Variants in LINGO2 observed in about 807,000 individuals in gnomAD.
LINGO2 encodes leucine rich repeat and Ig domain containing 2.
In LINGO2, 14 loss-of-function variants were observed where a neutral mutation model predicts 30.6. The observed-to-expected ratio is 0.46, with a 90% CI of 0.30 to 0.72. The LOEUF (loss-of-function observed/expected upper bound fraction) is 0.72, where lower values mean the gene tolerates loss of function less well. Among genes scored for constraint, LINGO2 ranks in the 30% least tolerant of loss-of-function variants. LINGO2 has a pLI of 0.07. For synonymous variants in LINGO2, 317 were observed against 288.5 expected, an observed-to-expected ratio of 1.10 and a Z score of -1.00; for missense variants, 729 against 751.7, an observed-to-expected ratio of 0.97 and a Z score of 0.35.
At chr9:28,202,090 G>C (rs1475297547) in intron 4 of LINGO2, among the ~76,000 whole-genome samples, 1 of 151,980 alleles carries the variant, frequency 6.6e-6, no homozygotes, top group Non-Finnish European at 1.5e-5. Flanking sequence ...TTTTTTCTGT[G>C]CATTTACCTG....
chr9:28,366,255 T>G (rs1820670855), intron 3 of LINGO2, among the ~76,000 whole-genome samples: 1 of 152,180 alleles, frequency 6.6e-6, no homozygotes, highest in Non-Finnish European at 1.5e-5. Context: ...GGAACATTAC[T>G]TAGTTTACTT....
At chr9:28,485,988 T>C (rs1433120579) in intron 1 of LINGO2, among the ~76,000 whole-genome samples, 1 of 152,170 alleles carries the variant, frequency 6.6e-6, no homozygotes, top group African/African-American at 2.4e-5. Context: ...CTGATTGGTA[T>C]GGCAGAGGTT....
chr9:28,055,559 C>T (rs930484296), intron 4 of LINGO2, among the ~76,000 whole-genome samples: 4 of 152,128 alleles, frequency 2.6e-5, no homozygotes, highest in Non-Finnish European at 5.9e-5. Context: ...AATTGGAATT[C>T]TTCGTTCGAA....
intron 4 of LINGO2, among the ~76,000 whole-genome samples, chr9:28,036,458 T>C (rs1218330570): frequency 6.6e-6 from 1 of 151,548 alleles, no homozygotes; most frequent in Non-Finnish European, 1.5e-5. Flanking sequence ...ACCAGGAAGA[T>C]TTAAGTTATC....
chr9:28,006,967 T>A (rs2119202564), intron 5 of LINGO2, among the ~76,000 whole-genome samples: 1 of 152,310 alleles, frequency 6.6e-6, no homozygotes, highest in East Asian at 1.9e-4. Context: ...ATACCTAGTA[T>A]GTGTTAGGCA....
At chr9:29,057,281 C>G in the LINGO2 span, among the ~76,000 whole-genome samples, 1 of 151,916 alleles carries the variant, frequency 6.6e-6, no homozygotes. Context: ...AAAATAAACT[C>G]TAATTTTGAT....
chr9:28,805,151 A>C, the LINGO2 span, among the ~76,000 whole-genome samples: 1 of 152,150 alleles, frequency 6.6e-6, no homozygotes, highest in African/African-American at 2.4e-5. Flanking sequence ...GTTAACATGG[A>C]TATAACATTC....
chr9:28,896,808 T>A, the LINGO2 span, among the ~76,000 whole-genome samples: 483 of 152,206 alleles, frequency 3.2e-3, 2 homozygotes, highest in African/African-American at 0.011. Context: ...ATTTAAGCAA[T>A]GCCATTATGT....
At chr9:28,635,728 G>A (rs555153165) in intron 1 of LINGO2, among the ~76,000 whole-genome samples, 2 of 152,106 alleles carry the variant, frequency 1.3e-5, no homozygotes, top group South Asian at 4.2e-4. Context: ...AAATGTAACA[G>A]AACCATAAAA....
chr9:28,594,011 A>T, intron 1 of LINGO2, among the ~76,000 whole-genome samples: 1 of 152,168 alleles, frequency 6.6e-6, no homozygotes. Context: ...AAAAAAAAAG[A>T]ATAGGTAATA....
intron 4 of LINGO2, among the ~76,000 whole-genome samples, chr9:28,221,021 CG>C (rs1418319387): frequency 2.6e-5 from 4 of 152,072 alleles, no homozygotes; most frequent in Non-Finnish European, 5.9e-5. Flanking sequence ...AAAGATAGGC[CG>C]GATGCGGTGG....
chr9:28,332,399 A>G (rs1453561104), intron 3 of LINGO2, among the ~76,000 whole-genome samples: 2 of 152,156 alleles, frequency 1.3e-5, no homozygotes, highest in Non-Finnish European at 1.5e-5. Context: ...CTCACATGGA[A>G]GGTTTCTCTG....
At chr9:28,430,419 T>C (rs10116056) in intron 2 of LINGO2, among the ~76,000 whole-genome samples, 18,935 of 152,158 alleles carry the variant, frequency 0.12, 1,367 homozygotes, top group East Asian at 0.23. Flanking sequence ...AAAGTACTTA[T>C]AATTGACAAA....
chr9:28,609,293 A>C (rs926288430), intron 1 of LINGO2, among the ~76,000 whole-genome samples: 6 of 151,914 alleles, frequency 3.9e-5, no homozygotes, highest in African/African-American at 1.4e-4. Context: ...AACAGTTCAT[A>C]ATAATATGGT....
At chr9:28,223,316 C>T (rs1288948482) in intron 4 of LINGO2, among the ~76,000 whole-genome samples, 1 of 152,202 alleles carries the variant, frequency 6.6e-6, no homozygotes, top group African/African-American at 2.4e-5. Flanking sequence ...CTCACATCCT[C>T]TGGAGGGGAG....
At chr9:28,664,304 G>C (rs999588324) in intron 1 of LINGO2, among the ~76,000 whole-genome samples, 1 of 152,022 alleles carries the variant, frequency 6.6e-6, no homozygotes, top group Non-Finnish European at 1.5e-5. Flanking sequence ...CTATCTGCAA[G>C]GAACAATGAC....
the LINGO2 span, among the ~76,000 whole-genome samples, chr9:28,947,141 A>ATATATCTATATC: frequency 2.6e-5 from 4 of 151,896 alleles, no homozygotes; most frequent in Non-Finnish European, 5.9e-5. Flanking sequence ...ATATCTCTCT[A>ATATATCTATATC]TATATCTATA....
chr9:28,401,972 T>C (rs1822286079), intron 2 of LINGO2, among the ~76,000 whole-genome samples: 1 of 152,218 alleles, frequency 6.6e-6, no homozygotes, highest in Non-Finnish European at 1.5e-5. Context: ...TGCCTACCTT[T>C]TGATGGGGTT....
At chr9:29,041,946 C>A in the LINGO2 span, among the ~76,000 whole-genome samples, 2 of 151,892 alleles carry the variant, frequency 1.3e-5, no homozygotes, top group Admixed American at 1.3e-4. Flanking sequence ...TTTAGATACT[C>A]AGCAATTTAA....
Sources: allele counts gnomAD v4.1 joint callset (sites outside exome capture counted in the v4.1 genomes callset), GRCh38; gene constraint gnomAD v4.1.1; transcripts MANE v1.5; gene names NCBI Gene and HGNC (gene_info 2026-07-23, HGNC 2026-07-21).